The following CFAP54 variants were observed in gnomAD, a reference collection of about 807,000 sequenced individuals.
The protein encoded by CFAP54 is cilia- and flagella-associated protein 54.
CFAP54 carries 290 observed loss-of-function variants against 370.4 expected under a neutral mutation model. The ratio of observed to expected loss-of-function variants is 0.78; its 90% CI spans 0.71 to 0.86. CFAP54 has a LOEUF of 0.86. Ranked by LOEUF, CFAP54 falls within the 40% of genes least tolerant of loss-of-function variation. The pLI is 0.00. For missense variants in CFAP54, 3,399 were observed against 3,528.7 expected, an observed-to-expected ratio of 0.96 and a Z score of 0.93; for synonymous variants, 1,206 against 1,236.5, an observed-to-expected ratio of 0.98 and a Z score of 0.52.
intron 55 of CFAP54, among the ~76,000 whole-genome samples, chr12:96,745,523 GT>G (rs35467777): frequency 4.0e-5 from 6 of 150,630 alleles, no homozygotes; most frequent in Non-Finnish European, 7.4e-5. Context: ...ATTTTTTAAT[GT>G]TTTTTTTTCT....
intron 41 of CFAP54, 109 bp downstream of exon 41, chr12:96,684,844 A>G (rs1014660692): frequency 2.0e-6 from 2 of 1,021,864 alleles, no homozygotes; most frequent in Non-Finnish European, 2.9e-6. Flanking sequence ...TTCTTCAACA[A>G]TACTACATTG....
At chr12:96,534,297 G>T (rs904896996) in intron 11 of CFAP54, 70 bp downstream of exon 11, 12 of 915,998 alleles carry the variant, frequency 1.3e-5, no homozygotes, top group Middle Eastern at 2.7e-4. Context: ...TATGGTGAGA[G>T]AAAGGATGTT....
At chr12:96,697,588 A>T (rs1175550748) in intron 45 of CFAP54, among the ~76,000 whole-genome samples, 1 of 152,194 alleles carries the variant, frequency 6.6e-6, no homozygotes, top group Admixed American at 6.5e-5. Flanking sequence ...TTTCTTTAAA[A>T]TTCACACACT....
chr12:96,731,950 T>G (rs7956674), intron 50 of CFAP54, among the ~76,000 whole-genome samples: 2 of 151,896 alleles, frequency 1.3e-5, no homozygotes, highest in South Asian at 4.1e-4. Flanking sequence ...AAAGAAGAAC[T>G]TTAAAACAGT....
intron 5 of CFAP54, among the ~76,000 whole-genome samples, chr12:96,515,932 T>TG (rs1955227824): frequency 1.4e-5 from 2 of 147,410 alleles, no homozygotes; most frequent in Non-Finnish European, 3.0e-5. Flanking sequence ...TTTTTTTTTT[T>TG]TGATATGGAG....
intron 49 of CFAP54, among the ~76,000 whole-genome samples, chr12:96,720,108 A>G (rs1474415525): frequency 6.6e-6 from 1 of 152,236 alleles, no homozygotes; most frequent in Non-Finnish European, 1.5e-5. Flanking sequence ...AGTATCCAGT[A>G]ATCAGTGTTT....
At chr12:96,538,679 A>G (rs934218275) in intron 13 of CFAP54, 161 bp downstream of exon 13, 17 of 692,508 alleles carry the variant, frequency 2.5e-5, no homozygotes, top group Non-Finnish European at 3.5e-5. Context: ...GCGCTGAGTG[A>G]CCCTTTCTTT....
At chr12:96,522,009 T>A in intron 7 of CFAP54, 39 bp downstream of exon 7, 1 of 1,524,064 alleles carries the variant, frequency 6.6e-7, no homozygotes, top group Non-Finnish European at 8.8e-7. Flanking sequence ...TTTACCACAC[T>A]CTACAGCTGA....
At position 96,631,282 on chromosome 12, in the gene CFAP54, C is replaced by T. The variant is rs559288449; in HGVS notation, c.4316+631C>T. ...ATAATATAACAACTATGCAACTTAACATGTAAAACCTTTCAAACACAGTTG... is the reference window on the plus strand; with the variant it reads ...ATAATATAACAACTATGCAACTTAATATGTAAAACCTTTCAAACACAGTTG... On this transcript the variant is annotated intron_variant, in intron 32 of 67. Transcript: ENST00000524981. Among the ~76,000 whole-genome samples, 468 of 151,916 alleles carry T rather than the reference C, an allele frequency of 3.1e-3. 3 individuals are homozygous for T. Among genetic ancestry groups the T allele is most frequent in the African/African-American group, 0.01 (428 of 41,514 alleles).
intron 58 of CFAP54, 88 bp downstream of exon 58, chr12:96,757,676 G>T (rs1958278736): frequency 1.6e-6 from 1 of 625,226 alleles, no homozygotes; most frequent in Admixed American, 3.1e-5. Flanking sequence ...TAATGAGGCT[G>T]ATTTTCCTGT....
intron 14 of CFAP54, among the ~76,000 whole-genome samples, chr12:96,541,722 A>T (rs1955575990): frequency 6.6e-6 from 1 of 152,144 alleles, no homozygotes; most frequent in South Asian, 2.1e-4. Context: ...AGCGCAGGAG[A>T]TCAAGTAAGT....
At chr12:96,810,278 G>T (rs1488832234) in intron 63 of CFAP54, among the ~76,000 whole-genome samples, 1 of 151,956 alleles carries the variant, frequency 6.6e-6, no homozygotes, top group Non-Finnish European at 1.5e-5. Flanking sequence ...GTTCTTCCAG[G>T]TGCTTTCTGT....
intron 63 of CFAP54, among the ~76,000 whole-genome samples, 167 bp from the exon 64 acceptor site, chr12:96,811,569 C>T (rs771055265): frequency 6.6e-6 from 1 of 152,174 alleles, no homozygotes; most frequent in Non-Finnish European, 1.5e-5. Context: ...TTGTACAATT[C>T]TGGTTCACAT....
At chr12:96,707,122 C>T (rs12227732) in intron 47 of CFAP54, among the ~76,000 whole-genome samples, 10,440 of 151,936 alleles carry the variant, frequency 0.069, 770 homozygotes, top group East Asian at 0.44. Flanking sequence ...AAGGAGAGGC[C>T]AGTAGGATAG....
At chr12:96,751,321 A>T (rs1958180931) in intron 55 of CFAP54, among the ~76,000 whole-genome samples, 1 of 152,188 alleles carries the variant, frequency 6.6e-6, no homozygotes, top group South Asian at 2.1e-4. Context: ...GAAGCTTATT[A>T]TCTAGTTAGG....
chr12:96,831,412 G>A (rs151080856), intron 66 of CFAP54, among the ~76,000 whole-genome samples: 182 of 152,292 alleles, frequency 1.2e-3, no homozygotes, highest in African/African-American at 4.1e-3. Context: ...AAGTTTTATT[G>A]GACACAGCCT....
chr12:96,719,734 C>T (rs1210237293), intron 49 of CFAP54, among the ~76,000 whole-genome samples: 1 of 152,206 alleles, frequency 6.6e-6, no homozygotes, highest in African/African-American at 2.4e-5. Flanking sequence ...TTGCCACTCT[C>T]ATACTGTAAA....
At chr12:96,755,875 G>A (rs900752873) in intron 56 of CFAP54, among the ~76,000 whole-genome samples, 1 of 151,716 alleles carries the variant, frequency 6.6e-6, no homozygotes, top group East Asian at 2.0e-4. Context: ...ACCATGTTGG[G>A]CAGGCTGGTC....
intron 60 of CFAP54, among the ~76,000 whole-genome samples, chr12:96,779,544 T>TAA (rs1958560601): frequency 1.3e-5 from 2 of 151,926 alleles, no homozygotes; most frequent in Non-Finnish European, 2.9e-5. Flanking sequence ...AAGACATGCA[T>TAA]GGTTTTAGCC....
Sources: gnomAD v4.1 joint callset for allele counts (sites outside exome capture counted in the v4.1 genomes callset) on GRCh38, gnomAD v4.1.1 for gene constraint, MANE v1.5 for transcripts, NCBI Gene and HGNC (gene_info 2026-07-23, HGNC 2026-07-21) for gene names.